CELF1: variants seen among roughly 807,000 people sequenced by gnomAD.
CELF1 encodes CUGBP Elav-like family member 1.
Under a neutral mutation model 61.8 loss-of-function variants are expected in CELF1, and 10 were observed. The ratio of observed to expected loss-of-function variants is 0.16; its 90% CI spans 0.10 to 0.27. CELF1 has a LOEUF of 0.27. Ranked by LOEUF, CELF1 falls within the 10% of genes least tolerant of loss-of-function variation. CELF1 has a pLI of 1.00. For missense variants in CELF1, 380 were observed against 639.1 expected (o/e 0.59, Z 4.37); for synonymous variants, 236 against 225.1 (o/e 1.05, Z -0.43).
At chr11:47,473,042 G>C in intron 14 of CELF1, 46 bp downstream of exon 14, 2 of 1,589,492 alleles carry the variant, frequency 1.3e-6, no homozygotes, top group Non-Finnish European at 1.7e-6. Context: ...CTTTCTCAGT[G>C]GTAAAATACT....
chr11:47,524,415 T>C (rs2096127044), intron 1 of CELF1: 1 of 152,174 alleles, frequency 6.6e-6, no homozygotes, highest in Admixed American at 6.5e-5. Context: ...GGTATTTTGT[T>C]AAATACAAAT....
At chr11:47,505,994 G>A (rs990457399) in intron 1 of CELF1, among the ~76,000 whole-genome samples, 12 of 150,394 alleles carry the variant, frequency 8.0e-5, no homozygotes, top group Non-Finnish European at 1.8e-4. Flanking sequence ...GTATTAGTAC[G>A]TGCATGGAAT....
chr11:47,505,361 C>T (rs557639805), intron 1 of CELF1, among the ~76,000 whole-genome samples: 15 of 151,298 alleles, frequency 9.9e-5, no homozygotes, highest in East Asian at 7.7e-4. Context: ...AGGCCAGGCA[C>T]GGTGGCTCAT....
chr11:47,508,943 GTT>G (rs2094799760), intron 1 of CELF1, among the ~76,000 whole-genome samples: 1 of 152,012 alleles, frequency 6.6e-6, no homozygotes, highest in Non-Finnish European at 1.5e-5. Flanking sequence ...CTAATTTTGT[GTT>G]TTTAGTAGAG....
At chr11:47,524,103 T>C (rs913377219) in intron 1 of CELF1, 2 of 152,236 alleles carry the variant, frequency 1.3e-5, no homozygotes, top group Middle Eastern at 3.4e-3. Context: ...TTCCCCACAG[T>C]TCCTTTCCTG....
At chr11:47,511,055 C>A (rs1317985490) in intron 1 of CELF1, among the ~76,000 whole-genome samples, 1 of 151,898 alleles carries the variant, frequency 6.6e-6, no homozygotes, top group Non-Finnish European at 1.5e-5. Context: ...GGTGTGGTGA[C>A]ATGTGTCTGT....
chr11:47,493,339 T>TAAA (rs11458910), intron 3 of CELF1, among the ~76,000 whole-genome samples: 12 of 127,964 alleles, frequency 9.4e-5, no homozygotes, highest in South Asian at 2.6e-4. Context: ...CGTCCCTACT[T>TAAA]AAAAAAAAAA....
chr11:47,548,533 A>G (rs896912085), intron 1 of CELF1, among the ~76,000 whole-genome samples: 3 of 152,202 alleles, frequency 2.0e-5, no homozygotes, highest in Admixed American at 1.3e-4. Flanking sequence ...GAATGGGAGA[A>G]AATATCTGCA....
chr11:47,548,099 G>A (rs925873043), intron 1 of CELF1, among the ~76,000 whole-genome samples: 1 of 152,124 alleles, frequency 6.6e-6, no homozygotes, highest in East Asian at 1.9e-4. Context: ...TGGAGTTCAA[G>A]ACCAGCCTGG....
chr11:47,489,700 ACTG>A (rs977590043), intron 3 of CELF1, among the ~76,000 whole-genome samples: 7 of 152,172 alleles, frequency 4.6e-5, no homozygotes, highest in Non-Finnish European at 1.0e-4. Context: ...TATCCAATTT[ACTG>A]CTATTACTCT....
At chr11:47,527,388 C>T (rs1340543829) in intron 1 of CELF1, among the ~76,000 whole-genome samples, 4 of 151,894 alleles carry the variant, frequency 2.6e-5, no homozygotes, top group African/African-American at 4.8e-5. Context: ...GAGACACTGC[C>T]TCAAAAAACA....
chr11:47,519,912 ATC>A (rs1484106868), intron 1 of CELF1, among the ~76,000 whole-genome samples: 1 of 150,072 alleles, frequency 6.7e-6, no homozygotes, highest in Non-Finnish European at 1.5e-5. Flanking sequence ...CACTTAAATC[ATC>A]TGTCACATCC....
At chr11:47,521,037 G>A (rs1254954341) in intron 1 of CELF1, among the ~76,000 whole-genome samples, 1 of 152,198 alleles carries the variant, frequency 6.6e-6, no homozygotes, top group Non-Finnish European at 1.5e-5. Context: ...GGATCACGAA[G>A]TTAGGAGATC....
At chr11:47,511,038 T>A (rs934588058) in intron 1 of CELF1, among the ~76,000 whole-genome samples, 2 of 150,668 alleles carry the variant, frequency 1.3e-5, no homozygotes, top group Non-Finnish European at 3.0e-5. Context: ...AAAAAAAAAA[T>A]TAGATGGGTG....
intron 1 of CELF1, among the ~76,000 whole-genome samples, chr11:47,529,400 T>C (rs1341523956): frequency 4.0e-5 from 6 of 151,730 alleles, no homozygotes; most frequent in Admixed American, 6.6e-5. Flanking sequence ...AATATAAAAA[T>C]TAGTGGCCAG....
At chr11:47,491,825 A>C (rs2091597342) in intron 3 of CELF1, among the ~76,000 whole-genome samples, 2 of 152,244 alleles carry the variant, frequency 1.3e-5, no homozygotes, top group African/African-American at 4.8e-5. Flanking sequence ...GTTCAAAGTA[A>C]GCACTCAAAT....
At chr11:47,492,347 T>C (rs992594835) in intron 3 of CELF1, among the ~76,000 whole-genome samples, 1 of 152,134 alleles carries the variant, frequency 6.6e-6, no homozygotes, top group African/African-American at 2.4e-5. Context: ...TAATTTAAAA[T>C]GTGTGGCAGG....
rs142534918 is a variant in CELF1 at position 47,489,195 on chromosome 11, C to T, written c.72-171G>A. Among the ~76,000 whole-genome samples, 146 of 152,280 alleles carry T rather than the reference C, an allele frequency of 9.6e-4. 1 individual carries two copies. In the East Asian group the frequency reaches 0.026, roughly 27 times the overall value. ...GTTCCCTGGTTCTCCCTCACCATGG[C>T]CACCCATTCCATCAGATGCCAAACT... On this transcript the variant is annotated intron_variant, in intron 3 of 14. Transcript: ENST00000687097.
intron 1 of CELF1, among the ~76,000 whole-genome samples, chr11:47,542,667 C>A (rs1184615943): frequency 1.3e-5 from 2 of 152,052 alleles, no homozygotes; most frequent in Admixed American, 6.6e-5. Flanking sequence ...CTGGCTAAGT[C>A]TTGTATTTTC....
Sources: allele counts gnomAD v4.1 joint callset (sites outside exome capture counted in the v4.1 genomes callset), GRCh38; gene constraint gnomAD v4.1.1; transcripts MANE v1.5; gene names NCBI Gene and HGNC (gene_info 2026-07-23, HGNC 2026-07-21).